OSTM1: variants seen among roughly 807,000 people sequenced by gnomAD.
OSTM1 encodes the protein osteoclastogenesis associated transmembrane protein 1.
In OSTM1, 26 loss-of-function variants were observed where a neutral mutation model predicts 35.4. The observed-to-expected ratio is 0.73, with a 90% CI of 0.54 to 1.02. The LOEUF is 1.02. Ranked by LOEUF, OSTM1 falls within the 50% of genes least tolerant of loss-of-function variation. The pLI, the probability that OSTM1 is intolerant of heterozygous loss-of-function variation, is 0.00. For synonymous variants in OSTM1, 181 were observed against 165.0 expected, an observed-to-expected ratio of 1.10 and a Z score of -0.75; for missense variants, 366 against 409.6, an observed-to-expected ratio of 0.89 and a Z score of 0.92.
Position 108,074,331 on chromosome 6 carries a change from C to T in OSTM1, c.321G>A (p.Arg107=), listed in dbSNP as rs778298708. The change falls in exon 1 of 6, where the codon CGG becomes CGA. Residue 107 remains arginine, a synonymous_variant. Transcript: ENST00000193322. ...AGCAGGTCTGACAGAGGCGCACGGG[C>T]CGGGCGCTGCGCACCAGACACCCTG... is the stretch of plus-strand genomic sequence containing the variant. ...ELTGCLVRSA[R]PVRLCQTCYP... is the part of the protein sequence containing the mutation. The T allele has an allele frequency of 6.8e-6, 11 of 1,610,536 alleles. No homozygotes were observed. The highest frequency in any genetic ancestry group is 1.3e-5 in the African/African-American group (1 of 74,940).
chr6:108,050,917 T>C (rs2114592970), intron 4 of OSTM1, 114 bp downstream of exon 4: 1 of 891,638 alleles, frequency 1.1e-6, no homozygotes, highest in Non-Finnish European at 1.9e-6. Flanking sequence ...CTAGTTATTT[T>C]TGGTTGAGGA....
rs1771984764 is a variant in OSTM1 at position 108,046,845 on chromosome 6, T to C, written c.950-2005A>G. On this transcript the variant is annotated intron_variant, in intron 5 of 5. Transcript: ENST00000193322. ...TTTTGAGAATTACTTTGTTAAAAAC[T>C]ACTAGAAGTGATCTAGCTTCTGACA... Among the ~76,000 whole-genome samples, 3 of 151,904 alleles carry C rather than the reference T, an allele frequency of 2.0e-5. No individual in the cohort carries two copies. In the South Asian group the frequency reaches 6.2e-4, roughly 31 times the overall value.
chr6:108,045,468 A>C (rs1408729280), intron 5 of OSTM1, among the ~76,000 whole-genome samples: 1 of 146,506 alleles, frequency 6.8e-6, no homozygotes, highest in Non-Finnish European at 1.5e-5. Flanking sequence ...TTTCAGATGA[A>C]AAAAAAATCA....
chr6:108,069,093 CA>C (rs1772433985), intron 1 of OSTM1, among the ~76,000 whole-genome samples: 1 of 152,184 alleles, frequency 6.6e-6, no homozygotes, highest in Non-Finnish European at 1.5e-5. Context: ...CAGTCATACT[CA>C]AGATCAGCAC....
intron 5 of OSTM1, among the ~76,000 whole-genome samples, chr6:108,046,732 A>C (rs1771982448): frequency 6.6e-6 from 1 of 152,164 alleles, no homozygotes; most frequent in Admixed American, 6.5e-5. Context: ...TAAAGGGAAA[A>C]CTTAAACTAA....
At chr6:108,067,920 T>C (rs1772409345) in intron 1 of OSTM1, among the ~76,000 whole-genome samples, 1 of 151,200 alleles carries the variant, frequency 6.6e-6, no homozygotes, top group South Asian at 2.1e-4. Flanking sequence ...CTTTCTTATC[T>C]CCCCATCAAG....
chr6:108,071,999 C>T (rs1772494101), intron 1 of OSTM1, among the ~76,000 whole-genome samples: 1 of 152,090 alleles, frequency 6.6e-6, no homozygotes, highest in Admixed American at 6.6e-5. Flanking sequence ...TAATACTGCA[C>T]CCTAGAGTTT....
chr6:108,068,190 C>T (rs1158275303), intron 1 of OSTM1, among the ~76,000 whole-genome samples: 1 of 152,180 alleles, frequency 6.6e-6, no homozygotes, highest in Non-Finnish European at 1.5e-5. Context: ...TCCAATTCTT[C>T]CTTCTCAGTC....
Position 108,074,560 on chromosome 6 carries a change from C to T in OSTM1, c.92G>A (p.Gly31Asp). 6.4e-7 allele frequency: 1 copy of T among 1,559,260 alleles called. No individual in the cohort carries two copies. The highest frequency in any genetic ancestry group is 8.7e-7 in the Non-Finnish European group (1 of 1,154,836). The change falls in exon 1 of 6, where the codon GGC (glycine) becomes GAC (aspartate). Residue 31 changes from glycine (G) to aspartate (D), a missense_variant. By Grantham distance (94) the Gly-to-Asp change is moderately conservative. This residue lies in a region of OSTM1 where 236 missense variants were observed against 239.3 expected (regional missense o/e 0.99). Transcript: ENST00000193322. ...CGGACTGCTGCCGAAGGGGAGCGCG[C>T]CCAGGGCCAGCCCCGACCACAGCAG... ...GLLLWSGLAL[G>D]ALPFGSSPHR...
intron 3 of OSTM1, among the ~76,000 whole-genome samples, chr6:108,052,244 C>A (rs187066503): frequency 1.3e-5 from 2 of 152,100 alleles, no homozygotes; most frequent in Non-Finnish European, 1.5e-5. Flanking sequence ...ACCATCCTGG[C>A]TAACACGGTG....
chr6:108,044,721 T>G lies in OSTM1; in HGVS notation c.*64A>C. The G allele has an allele frequency of 1.6e-5, 15 of 914,182 alleles. No individual in the cohort carries two copies. Among genetic ancestry groups the G allele is most frequent in the Non-Finnish European group, 2.7e-5 (15 of 558,340 alleles). 56.6% of individuals were successfully genotyped at this position (914,182 alleles called of 1,614,324 possible). ...GTCAAATCACAGTTTATCTTCTTTC[T>G]GAAACCAAGTTGTGTCTTCCACCAT... On this transcript the variant is annotated 3_prime_UTR_variant, in exon 6 of 6. Coordinates refer to ENST00000193322, the MANE Select transcript of OSTM1 (RefSeq NM_014028.4).
At chr6:108,045,500 A>G (rs536996853) in intron 5 of OSTM1, among the ~76,000 whole-genome samples, 16 of 84,946 alleles carry the variant, frequency 1.9e-4, no homozygotes, top group East Asian at 1.4e-3. Flanking sequence ...CTGTAATGGG[A>G]AAAAAAAAAA....
intron 2 of OSTM1, among the ~76,000 whole-genome samples, chr6:108,063,453 C>T (rs1772321565): frequency 6.6e-6 from 1 of 152,170 alleles, no homozygotes. Flanking sequence ...TTTATTAAAG[C>T]ATTTATGTGT....
At chr6:108,051,656 T>C (rs1452493485) in intron 3 of OSTM1, among the ~76,000 whole-genome samples, 2 of 152,218 alleles carry the variant, frequency 1.3e-5, no homozygotes, top group East Asian at 1.9e-4. Flanking sequence ...CACCATAGTT[T>C]ATCTTACTGA....
chr6:108,062,470 T>C (rs916109401), intron 2 of OSTM1, among the ~76,000 whole-genome samples: 1 of 152,092 alleles, frequency 6.6e-6, no homozygotes, highest in Non-Finnish European at 1.5e-5. Flanking sequence ...CTACAGCAAG[T>C]GAAACCATGG....
intron 1 of OSTM1, among the ~76,000 whole-genome samples, chr6:108,067,257 G>T (rs1230955494): frequency 6.6e-6 from 1 of 152,020 alleles, no homozygotes; most frequent in African/African-American, 2.4e-5. Context: ...ACTCTAACCT[G>T]CCTACCCCTA....
At chr6:108,053,980 T>C (rs1205360728) in intron 3 of OSTM1, among the ~76,000 whole-genome samples, 9 of 152,214 alleles carry the variant, frequency 5.9e-5, no homozygotes, top group Admixed American at 2.6e-4. Context: ...GAGTCAGAGA[T>C]AGAGATGGCA....
At chr6:108,045,342 G>A (rs984562788) in intron 5 of OSTM1, among the ~76,000 whole-genome samples, 17 of 151,954 alleles carry the variant, frequency 1.1e-4, no homozygotes, top group African/African-American at 3.1e-4. Context: ...GGAATAAGAC[G>A]AAAATACCTG....
chr6:108,048,617 T>C (rs1164770228), intron 5 of OSTM1, among the ~76,000 whole-genome samples: 1 of 152,234 alleles, frequency 6.6e-6, no homozygotes, highest in Non-Finnish European at 1.5e-5. Flanking sequence ...GTCTAAGAGC[T>C]GTCTGTATCT....
Sources: allele counts gnomAD v4.1 joint callset (sites outside exome capture counted in the v4.1 genomes callset), GRCh38; gene constraint gnomAD v4.1.1; regional missense constraint gnomAD v4.1.1; transcripts MANE v1.5; gene names NCBI Gene and HGNC (gene_info 2026-07-23, HGNC 2026-07-21).